Variants in ACACB observed in about 807,000 individuals in gnomAD.
ACACB encodes the protein acetyl-CoA carboxylase 2.
ACACB carries 209 observed loss-of-function variants against 278.8 expected under a neutral mutation model. That is an observed-to-expected ratio of 0.75 (90% confidence interval 0.67 to 0.84). The LOEUF (loss-of-function observed/expected upper bound fraction) is 0.84, where lower values mean the gene tolerates loss of function less well. Ranked by LOEUF, ACACB falls within the 40% of genes least tolerant of loss-of-function variation. The pLI is 0.00. For missense variants in ACACB, 2,850 were observed against 3,269.0 expected (o/e 0.87, Z 3.13); for synonymous variants, 1,174 against 1,285.6 (o/e 0.91, Z 1.86).
chr12:109,247,523 A>C, intron 39 of ACACB, 83 bp from the exon 40 acceptor site: 1 of 916,074 alleles, frequency 1.1e-6, no homozygotes, highest in South Asian at 1.4e-5. Flanking sequence ...ATCCATCCCT[A>C]CGATGTTCAC....
chr12:109,198,493 T>C (rs953257209), intron 17 of ACACB, among the ~76,000 whole-genome samples: 14 of 151,962 alleles, frequency 9.2e-5, no homozygotes, highest in Non-Finnish European at 1.8e-4. Context: ...AGTCCAGAAG[T>C]TTGAGACCAG....
chr12:109,133,187 C>T (rs1010501018), intron 1 of ACACB, among the ~76,000 whole-genome samples: 1 of 152,110 alleles, frequency 6.6e-6, no homozygotes, highest in Non-Finnish European at 1.5e-5. Flanking sequence ...ATTCTCACAC[C>T]TCATAATTCA....
chr12:109,173,033 T>C (rs1230183823), intron 6 of ACACB, among the ~76,000 whole-genome samples: 1 of 152,188 alleles, frequency 6.6e-6, no homozygotes, highest in African/African-American at 2.4e-5. Flanking sequence ...TGGATGGAGC[T>C]GGAGGCCGTT....
chr12:109,226,376 A>T (rs2046311745), intron 27 of ACACB, among the ~76,000 whole-genome samples: 1 of 151,872 alleles, frequency 6.6e-6, no homozygotes, highest in Non-Finnish European at 1.5e-5. Flanking sequence ...CATGGACCAT[A>T]TTTGGCCCAC....
chr12:109,156,628 A>G (rs1415228687), intron 2 of ACACB, among the ~76,000 whole-genome samples: 2 of 145,756 alleles, frequency 1.4e-5, no homozygotes, highest in East Asian at 4.0e-4. Context: ...TATCAACAGC[A>G]CAGTGAGGAA....
intron 2 of ACACB, among the ~76,000 whole-genome samples, chr12:109,140,890 CTTTTTTTTTTTTT>C (rs386377714): frequency 1.2e-5 from 1 of 86,752 alleles, no homozygotes; most frequent in Non-Finnish European, 2.3e-5. Context: ...TTCATTCATT[CTTTTTTTTTTTTT>C]TTTTTTTTTT....
chr12:109,121,589 C>T, intron 1 of ACACB, among the ~76,000 whole-genome samples: 1 of 152,182 alleles, frequency 6.6e-6, no homozygotes, highest in East Asian at 1.9e-4. Context: ...GCCCCTGATA[C>T]AGCAGTATGA....
intron 2 of ACACB, among the ~76,000 whole-genome samples, chr12:109,162,637 T>C (rs1452272885): frequency 6.6e-6 from 1 of 152,108 alleles, no homozygotes; most frequent in South Asian, 2.1e-4. Context: ...AATAGGAAGA[T>C]AAGGGTCTGA....
chr12:109,222,788 T>TC lies in ACACB; in HGVS notation c.3679-6dup. The TC allele has an allele frequency of 1.3e-6, 2 of 1,579,994 alleles. No individual in the cohort carries two copies. Among genetic ancestry groups the TC allele is most frequent in the Non-Finnish European group, 1.7e-6 (2 of 1,153,962 alleles). On this transcript the variant is annotated splice_polypyrimidine_tract_variant and intron_variant, in intron 25 of 52. Transcript: ENST00000338432. ...TGGCTCACGCCAGCGCCCCCATCCCTCCCCCTGCAGATCCTGATTGCCTCC... is the reference window on the plus strand; with the variant it reads ...TGGCTCACGCCAGCGCCCCCATCCCTCCCCCCTGCAGATCCTGATTGCCTCC...
chr12:109,246,495 C>T (rs755449716), intron 39 of ACACB, 47 bp downstream of exon 39: 3 of 1,586,126 alleles, frequency 1.9e-6, no homozygotes, highest in Non-Finnish European at 2.6e-6. Context: ...TCAGCTACTA[C>T]TGTATTTTCA....
chr12:109,139,515 C>G lies in ACACB; in HGVS notation c.110C>G (p.Ser37Ter). The G allele has an allele frequency of 1.9e-6, 3 of 1,614,170 alleles. No homozygotes were observed. In the South Asian group the frequency reaches 3.3e-5, roughly 18 times the overall value. The change falls in exon 2 of 53, where the codon TCA becomes TGA. Residue 37 changes from serine (S) to a stop codon, truncating the protein, a stop_gained. Coordinates refer to ENST00000338432, the MANE Select transcript of ACACB (RefSeq NM_001093.4). LOFTEE classifies it high-confidence loss of function. ...TCCAAGCCGATCACCAAGAGTAAAT[C>G]AGAAGCAAACCTCATCCCGAGCCAG... ...TDSKPITKSK[S>*]EANLIPSQEP...
In ACACB at chr12:109,209,921, A is replaced by G. The variant is rs866560455; in HGVS notation, c.3249+568A>G. Among the ~76,000 whole-genome samples the G allele has an allele frequency of 8.5e-4, 100 of 117,612 alleles. 10 individuals carry two copies. The South Asian group carries it at 0.018, about 21-fold the overall frequency. The allele number at this position is 117,612 out of a possible 152,430, so 77.2% of individuals were successfully genotyped here. ...TACACACATACACACACGTGTGTATATATGTGTATACACACATACACACAC... is the reference window on the plus strand; with the variant it reads ...TACACACATACACACACGTGTGTATGTATGTGTATACACACATACACACAC... On this transcript the variant is annotated intron_variant, in intron 21 of 52. Coordinates refer to ENST00000338432, the MANE Select transcript of ACACB (RefSeq NM_001093.4).
the ACACB span, chr12:109,111,229 G>C: frequency 6.6e-6 from 1 of 152,394 alleles, no homozygotes; most frequent in African/African-American, 2.4e-5. Context: ...CGAGCACCGT[G>C]GAGCACCGGC....
At chr12:109,134,571 C>T (rs954579845) in intron 1 of ACACB, among the ~76,000 whole-genome samples, 3 of 152,142 alleles carry the variant, frequency 2.0e-5, no homozygotes, top group African/African-American at 4.8e-5. Flanking sequence ...ACCTTTCTTG[C>T]AGACAATTTT....
At position 109,191,848 on chromosome 12, in the gene ACACB, C is replaced by T. The variant is rs754505331; in HGVS notation, c.2297C>T (p.Ala766Val). 20 of 1,614,016 alleles carry T rather than the reference C, an allele frequency of 1.2e-5. No homozygotes were observed. Among genetic ancestry groups the T allele is most frequent in the Middle Eastern group, 3.3e-4 (2 of 6,084 alleles). ...LDYLIAEKVQAEKPDIMLGVV... is the reference protein window; with the variant it reads ...LDYLIAEKVQVEKPDIMLGVV... ...ATACTGAAGTGCATTTTCTCCTAGGCGGAGAAACCGGATATCATGCTTGGG... is the reference window on the plus strand; with the variant it reads ...ATACTGAAGTGCATTTTCTCCTAGGTGGAGAAACCGGATATCATGCTTGGG... The change falls in exon 15 of 53, where the codon GCG (alanine) becomes GTG (valine). Residue 766 changes from alanine to valine, a missense_variant and splice_region_variant. Ala to Val is a moderately conservative substitution (Grantham distance 64). This residue lies in a region of ACACB where 2,265 missense variants were observed against 2,561.3 expected (regional missense o/e 0.88). Transcript: ENST00000338432.
chr12:109,119,261 C>T (rs2042479899), intron 1 of ACACB, among the ~76,000 whole-genome samples: 1 of 151,998 alleles, frequency 6.6e-6, no homozygotes, highest in South Asian at 2.1e-4. Context: ...CCACTCTGAC[C>T]CTTGCTGGGG....
At chr12:109,208,540 G>A (rs185240725) in intron 20 of ACACB, among the ~76,000 whole-genome samples, 83 of 152,218 alleles carry the variant, frequency 5.5e-4, no homozygotes, top group African/African-American at 1.8e-3. Context: ...GGGGCACTTC[G>A]CAGTTTATGC....
intron 24 of ACACB, among the ~76,000 whole-genome samples, chr12:109,217,348 C>T (rs2046032128): frequency 1.3e-5 from 2 of 152,054 alleles, no homozygotes; most frequent in South Asian, 4.1e-4. Flanking sequence ...TTGGTGTGGT[C>T]TCTGTCGTGA....
In ACACB at chr12:109,253,183, G is replaced by T. The variant is rs767764132; in HGVS notation, c.6045+25G>T. ...GGTGCAGTACTCCCCCTGCAGCTTA[G>T]AACCTGGAAGACTCTTATTAAGCTC... On this transcript the variant is annotated intron_variant, in intron 43 of 52. Transcript: ENST00000338432. 5.9e-6 allele frequency: 9 copies of T among 1,514,984 alleles called. No individual in the cohort carries two copies. The African/African-American group carries it at 1.2e-4, about 21-fold the overall frequency. 93.8% of individuals were successfully genotyped at this position (1,514,984 alleles called of 1,614,324 possible). A position where few individuals can be genotyped will look rare whatever the true frequency, so the allele number is the denominator to read the frequency against.
Sources: allele counts gnomAD v4.1 joint callset (sites outside exome capture counted in the v4.1 genomes callset), GRCh38; gene constraint gnomAD v4.1.1; regional missense constraint gnomAD v4.1.1; transcripts MANE v1.5; gene names NCBI Gene and HGNC (gene_info 2026-07-23, HGNC 2026-07-21).